The following WWC1 variants were observed in gnomAD, a reference collection of about 807,000 sequenced individuals.
The protein encoded by WWC1 is protein KIBRA.
In WWC1, 55 loss-of-function variants were observed where a neutral mutation model predicts 138.4. The ratio of observed to expected loss-of-function variants is 0.40; its 90% CI spans 0.32 to 0.50. The LOEUF is 0.50. Ranked by LOEUF, WWC1 falls within the 20% of genes least tolerant of loss-of-function variation. The probability of loss-of-function intolerance (pLI) is 0.72; values close to 1 mark genes in which losing one functional copy is unlikely to be tolerated. For missense variants in WWC1, 1,226 were observed against 1,420.4 expected (o/e 0.86, Z 2.20); for synonymous variants, 524 against 564.9 (o/e 0.93, Z 1.03).
chr5:168,330,235 C>T (rs1338263235), intron 1 of WWC1, among the ~76,000 whole-genome samples: 1 of 152,200 alleles, frequency 6.6e-6, no homozygotes, highest in Non-Finnish European at 1.5e-5. Flanking sequence ...ATGCATTGGA[C>T]AGGAGGGTCT....
chr5:168,366,802 CTTTTTTTTTT>C (rs202012790), intron 1 of WWC1, among the ~76,000 whole-genome samples: 11 of 100,566 alleles, frequency 1.1e-4, no homozygotes, highest in South Asian at 4.1e-4. Context: ...CTTTGAAACA[CTTTTTTTTTT>C]TTTTTTTTTT....
intron 15 of WWC1, among the ~76,000 whole-genome samples, chr5:168,437,825 T>C (rs538223006): frequency 6.6e-6 from 1 of 152,276 alleles, no homozygotes; most frequent in East Asian, 1.9e-4. Context: ...ACCTCACACA[T>C]GGCCTGGCAT....
At chr5:168,431,111 G>C in intron 14 of WWC1, 141 bp from the exon 15 acceptor site, 1 of 718,978 alleles carries the variant, frequency 1.4e-6, no homozygotes, top group Non-Finnish European at 2.3e-6. Flanking sequence ...AGTGTATAGG[G>C]GCCTGATTCC....
At chr5:168,400,870 G>C (rs1779255099) in intron 5 of WWC1, among the ~76,000 whole-genome samples, 1 of 149,158 alleles carries the variant, frequency 6.7e-6, no homozygotes, top group East Asian at 2.0e-4. Flanking sequence ...AAGGAAAGAA[G>C]GGAGGGAAGA....
intron 1 of WWC1, among the ~76,000 whole-genome samples, chr5:168,294,380 A>G (rs551267073): frequency 2.0e-5 from 3 of 152,330 alleles, no homozygotes; most frequent in African/African-American, 7.2e-5. Context: ...AACTAGTTAT[A>G]TCTATTGTCA....
At chr5:168,352,094 T>C (rs1018366518) in intron 1 of WWC1, among the ~76,000 whole-genome samples, 2 of 152,186 alleles carry the variant, frequency 1.3e-5, no homozygotes, top group African/African-American at 4.8e-5. Context: ...GAGCATCCAA[T>C]GAGACAAGGC....
At chr5:168,312,434 A>T (rs535833243) in intron 1 of WWC1, among the ~76,000 whole-genome samples, 3 of 152,242 alleles carry the variant, frequency 2.0e-5, no homozygotes, top group African/African-American at 7.2e-5. Flanking sequence ...ATTCAAGCTC[A>T]AGTTGTCTGG....
intron 1 of WWC1, among the ~76,000 whole-genome samples, chr5:168,321,982 G>A (rs1409625391): frequency 6.6e-6 from 1 of 152,194 alleles, no homozygotes; most frequent in Non-Finnish European, 1.5e-5. Context: ...TTCTAGAGCA[G>A]CAGTTCTTGA....
At chr5:168,358,120 A>G (rs1775598755) in intron 1 of WWC1, among the ~76,000 whole-genome samples, 1 of 152,140 alleles carries the variant, frequency 6.6e-6, no homozygotes, top group Admixed American at 6.6e-5. Context: ...CAGCATCCGG[A>G]ACAGGTCTCA....
chr5:168,420,331 A>G (rs956669532), intron 9 of WWC1, among the ~76,000 whole-genome samples: 1 of 152,050 alleles, frequency 6.6e-6, no homozygotes, highest in African/African-American at 2.4e-5. Context: ...TCCGTTTCAC[A>G]TGGTCTTCCC....
chr5:168,329,989 A>G (rs1420437972), intron 1 of WWC1, among the ~76,000 whole-genome samples: 2 of 152,156 alleles, frequency 1.3e-5, no homozygotes, highest in African/African-American at 2.4e-5. Flanking sequence ...AGGCGTATGT[A>G]GCCACAGCTA....
intron 17 of WWC1, among the ~76,000 whole-genome samples, chr5:168,449,767 T>C (rs1179863248): frequency 6.6e-6 from 1 of 151,808 alleles, no homozygotes; most frequent in Non-Finnish European, 1.5e-5. Flanking sequence ...GAGATGGGGT[T>C]TTTCTCCATG....
chr5:168,314,243 A>G (rs1353439325), intron 1 of WWC1, among the ~76,000 whole-genome samples: 2 of 152,228 alleles, frequency 1.3e-5, no homozygotes, highest in Non-Finnish European at 2.9e-5. Context: ...TTGAGCTGGC[A>G]AAGTAAGTCA....
intron 1 of WWC1, among the ~76,000 whole-genome samples, chr5:168,362,722 G>A (rs1775970867): frequency 6.6e-6 from 1 of 152,248 alleles, no homozygotes; most frequent in African/African-American, 2.4e-5. Flanking sequence ...ATGTCAGTGA[G>A]TGGGAACAGA....
rs1011058011 is a variant in WWC1, at chr5:168,470,029, C to A, written c.*1012C>A. The A allele has an allele frequency of 6.7e-6, 1 of 148,892 alleles. No homozygotes were observed. Among genetic ancestry groups the A allele is most frequent in the African/African-American group, 2.5e-5 (1 of 40,126 alleles). 9.2% of individuals were successfully genotyped at this position (148,892 alleles called of 1,614,324 possible). On this transcript the variant is annotated 3_prime_UTR_variant, in exon 23 of 23. Coordinates refer to ENST00000265293, the MANE Select transcript of WWC1 (RefSeq NM_015238.3). The stretch of plus-strand genomic sequence containing the variant: ...CCCCACCCAGAGAGAGATGACTTCA[C>A]AGTTTGTTCATATGAGCATCATCCC...
chr5:168,422,915 G>A (rs963830908), intron 10 of WWC1, among the ~76,000 whole-genome samples: 3 of 152,078 alleles, frequency 2.0e-5, no homozygotes, highest in Non-Finnish European at 2.9e-5. Flanking sequence ...GGAGGCCGAC[G>A]CAGGCGGATT....
At chr5:168,384,469 T>C (rs555531106) in intron 2 of WWC1, among the ~76,000 whole-genome samples, 28 of 152,216 alleles carry the variant, frequency 1.8e-4, no homozygotes, top group Non-Finnish European at 3.4e-4. Flanking sequence ...TAATTTGCAT[T>C]GTCAGATAGT....
chr5:168,429,088 G>C (rs1018760491), intron 13 of WWC1, among the ~76,000 whole-genome samples: 5 of 152,096 alleles, frequency 3.3e-5, no homozygotes, highest in African/African-American at 1.2e-4. Flanking sequence ...GAGACCTCCT[G>C]CCTCTCAGTG....
At chr5:168,376,536 G>A (rs1777181908) in intron 2 of WWC1, among the ~76,000 whole-genome samples, 1 of 152,152 alleles carries the variant, frequency 6.6e-6, no homozygotes, top group African/African-American at 2.4e-5. Context: ...CAACCCTAAA[G>A]ATTCTGCCAA....
Sources: gnomAD v4.1 joint callset for allele counts (sites outside exome capture counted in the v4.1 genomes callset) on GRCh38, gnomAD v4.1.1 for gene constraint, MANE v1.5 for transcripts, NCBI Gene and HGNC (gene_info 2026-07-23, HGNC 2026-07-21) for gene names.